The following DTNB variants were observed in gnomAD, a reference collection of about 807,000 sequenced individuals.
The protein encoded by DTNB is DTN-B.
A neutral mutation model predicts 90.7 loss-of-function variants in DTNB; 63 were observed. The ratio of observed to expected loss-of-function variants is 0.69; its 90% CI spans 0.57 to 0.86. DTNB has a LOEUF of 0.86. Among genes scored for constraint, DTNB ranks in the 40% least tolerant of loss-of-function variants. The pLI is 0.00. For synonymous variants in DTNB, 277 were observed against 286.7 expected, an observed-to-expected ratio of 0.97 and a Z score of 0.34; for missense variants, 744 against 807.1, an observed-to-expected ratio of 0.92 and a Z score of 0.95.
intron 11 of DTNB, among the ~76,000 whole-genome samples, chr2:25,454,043 G>A (rs556584143): frequency 1.2e-4 from 18 of 152,020 alleles, no homozygotes; most frequent in African/African-American, 4.1e-4. Context: ...CCAGCTACTC[G>A]GGAGGTTGAG....
At chr2:25,425,274 AG>A (rs2051155995) in intron 15 of DTNB, among the ~76,000 whole-genome samples, 1 of 152,156 alleles carries the variant, frequency 6.6e-6, no homozygotes, top group Admixed American at 6.5e-5. Context: ...GGCCAAAGCT[AG>A]GGGGAAAAAA....
intron 9 of DTNB, among the ~76,000 whole-genome samples, chr2:25,520,302 G>A (rs1164914729): frequency 6.6e-6 from 1 of 152,178 alleles, no homozygotes; most frequent in African/African-American, 2.4e-5. Context: ...AATCCGGGAG[G>A]TGGAAGTTGC....
At chr2:25,599,884 C>A (rs2148445863) in intron 5 of DTNB, among the ~76,000 whole-genome samples, 1 of 152,160 alleles carries the variant, frequency 6.6e-6, no homozygotes, top group South Asian at 2.1e-4. Flanking sequence ...ATCGCTTGAG[C>A]CCAGGAGTTC....
chr2:25,403,267 C>T (rs1315983968), intron 16 of DTNB, among the ~76,000 whole-genome samples: 1 of 152,188 alleles, frequency 6.6e-6, no homozygotes, highest in Non-Finnish European at 1.5e-5. Flanking sequence ...GGGCGCCCGC[C>T]ACCACACCCC....
chr2:25,576,939 G>A lies in DTNB; in HGVS notation c.775C>T (p.Gln259Ter). The A allele has an allele frequency of 6.2e-7, 1 of 1,612,714 alleles. No homozygotes were observed. The highest frequency in any genetic ancestry group is 8.5e-7 in the Non-Finnish European group (1 of 1,179,438). The change falls in exon 8 of 21, where the codon CAG becomes TAG. Residue 259 changes from glutamine to a stop codon, truncating the protein, a stop_gained. Coordinates refer to ENST00000406818, the MANE Select transcript of DTNB (RefSeq NM_021907.5). LOFTEE classifies it high-confidence loss of function. ...CAGAGCTGATAGTTGTGGCACTGCT[G>A]GCATCGGTACCGGAAACCCATCATA... ...ESMMGFRYRC[Q>*]QCHNYQLCQN...
chr2:25,451,579 G>T lies in DTNB; in HGVS notation c.1226C>A (p.Ala409Asp). 6.2e-7 allele frequency: 1 copy of T among 1,609,154 alleles called. No homozygotes were observed. Among genetic ancestry groups the T allele is most frequent in the Non-Finnish European group, 8.5e-7 (1 of 1,177,806 alleles). The change falls in exon 12 of 21, where the codon GCT (alanine) becomes GAT (aspartate). Residue 409 changes from alanine to aspartate, a missense_variant. By Grantham distance (126) the Ala-to-Asp change is moderately radical. Coordinates refer to ENST00000406818, the MANE Select transcript of DTNB (RefSeq NM_021907.5). ...TCCTGCTTCTGCAGCCAGCCGGGCA[G>T]CATAGCGAGCTATAAGACGGTGTTC... ...DEEHRLIARY[A>D]ARLAAEAGNV...
At chr2:25,516,549 G>A (rs936428397) in intron 9 of DTNB, among the ~76,000 whole-genome samples, 12 of 150,582 alleles carry the variant, frequency 8.0e-5, no homozygotes, top group East Asian at 2.0e-4. Flanking sequence ...CACCGTGCCC[G>A]GCCTCCCATC....
At chr2:25,529,393 G>C (rs1006762336) in intron 9 of DTNB, among the ~76,000 whole-genome samples, 1 of 151,884 alleles carries the variant, frequency 6.6e-6, no homozygotes, top group Non-Finnish European at 1.5e-5. Flanking sequence ...AGACATATGT[G>C]AAAGGGCCAT....
At chr2:25,607,144 G>A in intron 5 of DTNB, 92 bp downstream of exon 5, 1 of 1,374,090 alleles carries the variant, frequency 7.3e-7, no homozygotes, top group African/African-American at 1.5e-5. Context: ...TTTTTTAAAA[G>A]CTCAATATAA....
At position 25,521,572 on chromosome 2, in the gene DTNB, CG is replaced by C. The variant is rs202228451; in HGVS notation, c.1001+9900del. The stretch of plus-strand genomic sequence containing the variant: ...CTAATTTTTATTTTTTTAGGAGAGA[CG>C]GGGTTTCGCTATGTTGGCCATGGTG... On this transcript the variant is annotated intron_variant, in intron 9 of 20. Coordinates refer to ENST00000406818, the MANE Select transcript of DTNB (RefSeq NM_021907.5). 8.8e-3 allele frequency among the ~76,000 whole-genome samples: 1,331 copies of C among 151,678 alleles called. 11 individuals are homozygous for C. Among genetic ancestry groups the C allele is most frequent in the Non-Finnish European group, 0.014 (950 of 67,916 alleles).
chr2:25,531,982 C>A (rs1456334225), intron 8 of DTNB, among the ~76,000 whole-genome samples: 2 of 152,144 alleles, frequency 1.3e-5, no homozygotes, highest in Non-Finnish European at 2.9e-5. Flanking sequence ...CACGGTGGCT[C>A]ATACCTATAA....
chr2:25,403,866 A>C (rs1292864194), intron 16 of DTNB, among the ~76,000 whole-genome samples: 2 of 152,184 alleles, frequency 1.3e-5, no homozygotes, highest in African/African-American at 4.8e-5. Context: ...TCCTGGCCTC[A>C]AGCAATCCTC....
chr2:25,619,715 G>A (rs2071904338), intron 4 of DTNB, among the ~76,000 whole-genome samples: 1 of 152,136 alleles, frequency 6.6e-6, no homozygotes, highest in South Asian at 2.1e-4. Flanking sequence ...AAATGGGATT[G>A]GTGATAATAA....
chr2:25,504,286 A>G (rs1253678418), intron 9 of DTNB, among the ~76,000 whole-genome samples: 1 of 150,848 alleles, frequency 6.6e-6, no homozygotes, highest in Non-Finnish European at 1.5e-5. Context: ...GACAGATGGA[A>G]GGAAGGAAAG....
intron 9 of DTNB, among the ~76,000 whole-genome samples, chr2:25,490,978 T>C (rs2067278914): frequency 6.6e-6 from 1 of 152,090 alleles, no homozygotes; most frequent in East Asian, 1.9e-4. Context: ...TATGGGAAAG[T>C]ATACTTTCCA....
At chr2:25,470,755 CA>C (rs1157422793) in intron 10 of DTNB, among the ~76,000 whole-genome samples, 4 of 152,136 alleles carry the variant, frequency 2.6e-5, no homozygotes, top group Non-Finnish European at 4.4e-5. Flanking sequence ...GCTGTTATAT[CA>C]GTATAACAGT....
intron 2 of DTNB, among the ~76,000 whole-genome samples, chr2:25,645,106 G>C (rs1004505501): frequency 5.9e-5 from 9 of 152,196 alleles, no homozygotes; most frequent in Admixed American, 5.2e-4. Context: ...TAAATGGCTG[G>C]GTGCAGTGGC....
At chr2:25,624,113 C>T (rs1165148229) in intron 4 of DTNB, among the ~76,000 whole-genome samples, 1 of 152,206 alleles carries the variant, frequency 6.6e-6, no homozygotes, top group Non-Finnish European at 1.5e-5. Flanking sequence ...CTCCACAACT[C>T]TTTATCATAA....
chr2:25,517,682 G>A (rs1237839069), intron 9 of DTNB, among the ~76,000 whole-genome samples: 1 of 152,042 alleles, frequency 6.6e-6, no homozygotes, highest in African/African-American at 2.4e-5. Context: ...CCACTACCAG[G>A]AATACATACA....
Sources: gnomAD v4.1 joint callset for allele counts (sites outside exome capture counted in the v4.1 genomes callset) on GRCh38, gnomAD v4.1.1 for gene constraint, MANE v1.5 for transcripts, NCBI Gene and HGNC (gene_info 2026-07-23, HGNC 2026-07-21) for gene names.